CCDC93: variants seen among roughly 807,000 people sequenced by gnomAD.
CCDC93 encodes the protein CCC complex scaffolding subunit CCDC93.
A neutral mutation model predicts 108.2 loss-of-function variants in CCDC93; 61 were observed. That is an observed-to-expected ratio of 0.56 (90% CI 0.46 to 0.70). The LOEUF (loss-of-function observed/expected upper bound fraction) is 0.70, where lower values mean the gene tolerates loss of function less well. Ranked by LOEUF, CCDC93 falls within the 30% of genes least tolerant of loss-of-function variation. The pLI is 0.00. For synonymous variants in CCDC93, 276 were observed against 260.4 expected, an observed-to-expected ratio of 1.06 and a Z score of -0.58; for missense variants, 685 against 764.2, an observed-to-expected ratio of 0.90 and a Z score of 1.22.
chr2:117,972,565 G>C (rs919319333), intron 11 of CCDC93, among the ~76,000 whole-genome samples: 2 of 151,638 alleles, frequency 1.3e-5, no homozygotes, highest in Non-Finnish European at 2.9e-5. Context: ...GAGCTCCTAC[G>C]TGCTCCCTGT....
At chr2:118,013,882 A>C in intron 1 of CCDC93, 72 bp downstream of exon 1, 2 of 1,400,578 alleles carry the variant, frequency 1.4e-6, no homozygotes, top group Non-Finnish European at 1.9e-6. Context: ...GGGCCCGCTC[A>C]GCCCGCCGCC....
chr2:117,946,562 A>T (rs1266341018), intron 16 of CCDC93, among the ~76,000 whole-genome samples: 1 of 152,208 alleles, frequency 6.6e-6, no homozygotes, highest in African/African-American at 2.4e-5. Context: ...AAACAGAGGG[A>T]GGCCAGAATT....
intron 13 of CCDC93, chr2:117,950,435 C>G: frequency 2.0e-6 from 2 of 985,434 alleles, no homozygotes; most frequent in Non-Finnish European, 2.4e-6. Flanking sequence ...ATCTCCTGGC[C>G]TTTCTGAAGC....
intron 4 of CCDC93, 158 bp downstream of exon 4, chr2:118,000,663 G>A (rs544628099): frequency 2.4e-4 from 138 of 580,540 alleles, no homozygotes; most frequent in African/African-American, 2.3e-3. Context: ...ATCTTCTGAA[G>A]ATGACGACAA....
chr2:117,971,726 G>A (rs1220571313), intron 11 of CCDC93, among the ~76,000 whole-genome samples: 1 of 152,188 alleles, frequency 6.6e-6, no homozygotes, highest in Non-Finnish European at 1.5e-5. Context: ...TTTAATCACT[G>A]CACTCACTCA....
chr2:117,977,719 T>C (rs1425630346), intron 8 of CCDC93, among the ~76,000 whole-genome samples: 1 of 152,182 alleles, frequency 6.6e-6, no homozygotes, highest in Non-Finnish European at 1.5e-5. Context: ...TTCACCTTCA[T>C]ACTGCAGAGC....
chr2:117,922,059 A>G lies in CCDC93; in HGVS notation c.1843-1663T>C, dbSNP rs920179844. Among the ~76,000 whole-genome samples the G allele has an allele frequency of 1.5e-4, 23 of 152,124 alleles. 1 individual carries two copies. The highest frequency in any genetic ancestry group is 6.5e-4 in the Admixed American group (10 of 15,278). On this transcript the variant is annotated intron_variant, in intron 23 of 23. Transcript: ENST00000376300. Reference sequence around the variant, plus strand: ...AGATGGAACAAGAACAGAGAGCTACACTATTATATTGTTATACTACACTCT... The same window carrying G: ...AGATGGAACAAGAACAGAGAGCTACGCTATTATATTGTTATACTACACTCT...
intron 3 of CCDC93, among the ~76,000 whole-genome samples, chr2:118,003,843 A>G (rs1207762447): frequency 6.6e-6 from 1 of 152,230 alleles, no homozygotes; most frequent in Non-Finnish European, 1.5e-5. Context: ...GGGTAGGGAA[A>G]GAAAGTGAGA....
intron 11 of CCDC93, among the ~76,000 whole-genome samples, chr2:117,968,140 A>C (rs970502218): frequency 6.6e-6 from 1 of 152,208 alleles, no homozygotes; most frequent in African/African-American, 2.4e-5. Flanking sequence ...CTAAGTATTA[A>C]AGCGGTCAAA....
chr2:117,932,524 CCT>C (rs1472638296), intron 22 of CCDC93, among the ~76,000 whole-genome samples: 2 of 152,162 alleles, frequency 1.3e-5, no homozygotes, highest in Non-Finnish European at 2.9e-5. Context: ...GCATTCAGTT[CCT>C]GAGTCCCAAG....
rs575599715 is a variant in CCDC93, at chr2:117,926,515, C to A, written c.1842+4522G>T. On this transcript the variant is annotated intron_variant, in intron 23 of 23. Transcript: ENST00000376300. ...CCTCTACGCAAATAAACTAGAAAAT[C>A]TAGAAGAAATGGATAAATTCCTGGA... 3.9e-5 allele frequency among the ~76,000 whole-genome samples: 6 copies of A among 152,296 alleles called. No homozygotes were observed. The South Asian group carries it at 1.2e-3, about 32-fold the overall frequency.
intron 18 of CCDC93, among the ~76,000 whole-genome samples, chr2:117,942,087 G>C (rs1236416918): frequency 6.6e-6 from 1 of 152,216 alleles, no homozygotes; most frequent in Non-Finnish European, 1.5e-5. Context: ...TTCAGCTCTG[G>C]TGACCTAATC....
chr2:118,007,495 C>T (rs569200993), intron 2 of CCDC93, among the ~76,000 whole-genome samples: 30 of 152,318 alleles, frequency 2.0e-4, no homozygotes, highest in African/African-American at 7.0e-4. Flanking sequence ...CGCAGTGAAA[C>T]CCCTCTCTAC....
In CCDC93 at chr2:117,919,705, G is replaced by C. The variant is rs916054146; in HGVS notation, c.*638C>G. On this transcript the variant is annotated 3_prime_UTR_variant, in exon 24 of 24. Transcript: ENST00000376300. Reference sequence around the variant, plus strand: ...AAAATTAAAACAACACTGAACTTTCGTTCCAGTTGCTGTCACCACCAAGCC... The same window carrying C: ...AAAATTAAAACAACACTGAACTTTCCTTCCAGTTGCTGTCACCACCAAGCC... The C allele has an allele frequency of 6.6e-6, 1 of 152,168 alleles. No individual in the cohort carries two copies. Among genetic ancestry groups the C allele is most frequent in the Non-Finnish European group, 1.5e-5 (1 of 68,042 alleles). 9.4% of individuals were successfully genotyped at this position (152,168 alleles called of 1,614,324 possible). A position where few individuals can be genotyped will look rare whatever the true frequency, so the allele number is the denominator to read the frequency against.
Position 117,980,239 on chromosome 2 carries a change from T to C in CCDC93, c.621-2209A>G, listed in dbSNP as rs139365697. On this transcript the variant is annotated intron_variant, in intron 7 of 23. Coordinates refer to ENST00000376300, the MANE Select transcript of CCDC93 (RefSeq NM_019044.5). The stretch of plus-strand genomic sequence containing the variant: ...AGTTCTCATCCAGCCCTGTAACCAA[T>C]CCCTTCTGCTGAAACTAGTGGGAGG... 3.6e-3 allele frequency among the ~76,000 whole-genome samples: 553 copies of C among 152,242 alleles called. 5 individuals are homozygous for C. The highest frequency in any genetic ancestry group is 0.013 in the African/African-American group (535 of 41,538).
At chr2:117,929,628 A>G (rs1678255645) in intron 23 of CCDC93, among the ~76,000 whole-genome samples, 1 of 152,246 alleles carries the variant, frequency 6.6e-6, no homozygotes, top group South Asian at 2.1e-4. Context: ...TTTGAGATGC[A>G]GTTCTTCTCC....
Position 117,918,142 on chromosome 2 carries a change from C to T in CCDC93, c.*2201G>A, listed in dbSNP as rs1677746798. ...AGGGGCCTTGGGGCATCTCCTTACC[C>T]TATACGGCTTCACCAAAAAGTCATG... On this transcript the variant is annotated 3_prime_UTR_variant, in exon 24 of 24. Coordinates refer to ENST00000376300, the MANE Select transcript of CCDC93 (RefSeq NM_019044.5). 6.6e-6 allele frequency: 1 copy of T among 152,122 alleles called. No homozygotes were observed. The highest frequency in any genetic ancestry group is 1.5e-5 in the Non-Finnish European group (1 of 68,028). The allele number at this position is 152,122 out of a possible 1,614,324, so 9.4% of individuals were successfully genotyped here.
Position 117,958,469 on chromosome 2 carries a change from A to G in CCDC93, c.901T>C (p.Ser301Pro). 6.2e-7 allele frequency: 1 copy of G among 1,602,580 alleles called. No homozygotes were observed. The highest frequency in any genetic ancestry group is 8.6e-7 in the Non-Finnish European group (1 of 1,169,502). The change falls in exon 12 of 24, where the codon TCA becomes CCA. Residue 301 changes from serine (S) to proline (P), a missense_variant. Coordinates refer to ENST00000376300, the MANE Select transcript of CCDC93 (RefSeq NM_019044.5). ...AATTTTTCTGGACTTTCTTCAGCTGATAGCTCAGACTGCTGTGGAAAAAAG... is the reference window on the plus strand; with the variant it reads ...AATTTTTCTGGACTTTCTTCAGCTGGTAGCTCAGACTGCTGTGGAAAAAAG... ...SEYAEKQSEL[S>P]AEESPEKLGT...
chr2:117,960,759 C>T (rs982588177), intron 11 of CCDC93, among the ~76,000 whole-genome samples: 6 of 152,146 alleles, frequency 3.9e-5, no homozygotes, highest in Admixed American at 1.3e-4. Flanking sequence ...AGGCCAAATA[C>T]CTTTTCATAA....
Sources: allele counts gnomAD v4.1 joint callset (sites outside exome capture counted in the v4.1 genomes callset), GRCh38; gene constraint gnomAD v4.1.1; transcripts MANE v1.5; gene names NCBI Gene and HGNC (gene_info 2026-07-23, HGNC 2026-07-21).